Variants in AUTS2 observed in about 807,000 individuals in gnomAD.
The protein encoded by AUTS2 is activator of transcription and developmental regulator AUTS2.
A neutral mutation model predicts 112.4 loss-of-function variants in AUTS2; 17 were observed. That is an observed-to-expected ratio of 0.15 (90% CI 0.10 to 0.23). The LOEUF is 0.23. Among genes scored for constraint, AUTS2 ranks in the 10% least tolerant of loss-of-function variants. AUTS2 has a pLI of 1.00. For synonymous variants in AUTS2, 751 were observed against 702.7 expected (o/e 1.07, Z -1.09); for missense variants, 1,510 against 1,701.6 (o/e 0.89, Z 1.98).
chr7:69,634,371 C>T (rs1451006398), intron 1 of AUTS2, among the ~76,000 whole-genome samples: 6 of 152,224 alleles, frequency 3.9e-5, no homozygotes, highest in Non-Finnish European at 4.4e-5. Context: ...CCGCCCGCCT[C>T]GGCCTCCCAA....
At chr7:69,634,276 C>G (rs902944021) in intron 1 of AUTS2, among the ~76,000 whole-genome samples, 7 of 151,802 alleles carry the variant, frequency 4.6e-5, no homozygotes, top group African/African-American at 1.5e-4. Context: ...CCCGCCATCA[C>G]GCCCGGCTAA....
At chr7:69,810,198 T>A (rs2129524777) in intron 1 of AUTS2, among the ~76,000 whole-genome samples, 1 of 152,290 alleles carries the variant, frequency 6.6e-6, no homozygotes, top group Non-Finnish European at 1.5e-5. Context: ...TAACAGCGGC[T>A]AAGAGTGCCG....
At chr7:70,741,348 A>C (rs1272769522) in intron 6 of AUTS2, among the ~76,000 whole-genome samples, 1 of 151,914 alleles carries the variant, frequency 6.6e-6, no homozygotes, top group East Asian at 1.9e-4. Flanking sequence ...AAAAAAAAAA[A>C]CAGGAACCCA....
At chr7:70,339,142 G>C (rs937953195) in intron 4 of AUTS2, among the ~76,000 whole-genome samples, 1 of 151,714 alleles carries the variant, frequency 6.6e-6, no homozygotes, top group Non-Finnish European at 1.5e-5. Context: ...GGATTACAGG[G>C]GTGAGCCACC....
intron 2 of AUTS2, among the ~76,000 whole-genome samples, chr7:70,018,954 A>G (rs1052512152): frequency 3.9e-5 from 6 of 152,322 alleles, no homozygotes; most frequent in Non-Finnish European, 4.4e-5. Context: ...ATAAAGATAC[A>G]TGTCTGTGTA....
At chr7:70,176,542 T>G (rs555515780) in intron 4 of AUTS2, among the ~76,000 whole-genome samples, 2 of 152,360 alleles carry the variant, frequency 1.3e-5, no homozygotes, top group Admixed American at 6.5e-5. Context: ...AGTTGAATAT[T>G]AGGAATAATT....
intron 4 of AUTS2, among the ~76,000 whole-genome samples, chr7:70,266,511 A>G (rs6953075): frequency 0.22 from 33,927 of 152,092 alleles, 3,800 homozygotes; most frequent in Middle Eastern, 0.32. Context: ...TTAAAATGAT[A>G]CATTTTATGT....
At chr7:69,926,146 G>A (rs988524817) in intron 2 of AUTS2, among the ~76,000 whole-genome samples, 3 of 152,168 alleles carry the variant, frequency 2.0e-5, no homozygotes, top group East Asian at 1.9e-4. Context: ...TAGTTGGTAG[G>A]AATGTTCTAT....
At chr7:69,828,348 G>A (rs1791347079) in intron 1 of AUTS2, among the ~76,000 whole-genome samples, 1 of 152,168 alleles carries the variant, frequency 6.6e-6, no homozygotes, top group African/African-American at 2.4e-5. Context: ...TCTGCATGTG[G>A]TGCTTTGAAA....
chr7:70,728,459 A>G (rs889718096), intron 6 of AUTS2, among the ~76,000 whole-genome samples: 14 of 152,170 alleles, frequency 9.2e-5, no homozygotes, highest in African/African-American at 3.4e-4. Flanking sequence ...CTGTAATCTC[A>G]GCATTTTGGG....
chr7:69,779,803 AAATACAT>A (rs1789070031), intron 1 of AUTS2, among the ~76,000 whole-genome samples: 1 of 151,510 alleles, frequency 6.6e-6, no homozygotes, highest in Non-Finnish European at 1.5e-5. Flanking sequence ...ATATATATGG[AAATACAT>A]TTTCTCAGTG....
At chr7:70,608,881 G>A (rs532249699) in intron 5 of AUTS2, among the ~76,000 whole-genome samples, 45 of 152,340 alleles carry the variant, frequency 3.0e-4, no homozygotes, top group African/African-American at 1.0e-3. Flanking sequence ...CACCATTGCA[G>A]CAAGGTGCTG....
chr7:70,681,394 A>G (rs991640985), intron 5 of AUTS2, among the ~76,000 whole-genome samples: 2 of 152,172 alleles, frequency 1.3e-5, no homozygotes, highest in African/African-American at 2.4e-5. Context: ...CATTCAGTCA[A>G]TCACATGGAG....
intron 2 of AUTS2, among the ~76,000 whole-genome samples, chr7:70,034,207 G>A (rs1449575412): frequency 1.3e-5 from 2 of 152,102 alleles, no homozygotes; most frequent in Non-Finnish European, 2.9e-5. Context: ...CAGAGTCGTG[G>A]GAGATGAATA....
chr7:70,098,754 G>A (rs1221750789), intron 2 of AUTS2, among the ~76,000 whole-genome samples: 2 of 150,734 alleles, frequency 1.3e-5, no homozygotes, highest in South Asian at 2.1e-4. Flanking sequence ...CCAGGCTGGA[G>A]TGCAATGTCA....
At chr7:70,529,703 G>A (rs1031699387) in intron 5 of AUTS2, among the ~76,000 whole-genome samples, 33 of 152,166 alleles carry the variant, frequency 2.2e-4, no homozygotes, top group East Asian at 5.8e-4. Flanking sequence ...CCAGCCTGCC[G>A]AATGAAGGAT....
intron 1 of AUTS2, among the ~76,000 whole-genome samples, chr7:69,623,530 C>T (rs964037855): frequency 7.3e-5 from 11 of 151,638 alleles, no homozygotes; most frequent in African/African-American, 2.2e-4. Flanking sequence ...CTGTGCCTGG[C>T]CTGGAACATT....
chr7:70,398,188 G>C (rs1794170090), intron 4 of AUTS2, among the ~76,000 whole-genome samples: 1 of 152,128 alleles, frequency 6.6e-6, no homozygotes, highest in Non-Finnish European at 1.5e-5. Context: ...CACATCATTT[G>C]GTTACTACAG....
At chr7:70,220,999 C>T (rs1270410720) in intron 4 of AUTS2, among the ~76,000 whole-genome samples, 2 of 152,232 alleles carry the variant, frequency 1.3e-5, no homozygotes, top group African/African-American at 4.8e-5. Context: ...GTGGTCACTA[C>T]AGCCTGCAAC....
Sources: gnomAD v4.1 joint callset for allele counts (sites outside exome capture counted in the v4.1 genomes callset) on GRCh38, gnomAD v4.1.1 for gene constraint, MANE v1.5 for transcripts, NCBI Gene and HGNC (gene_info 2026-07-23, HGNC 2026-07-21) for gene names.